Variants in ASTN2 observed in about 807,000 individuals in gnomAD.
ASTN2 encodes astrotactin 2.
A neutral mutation model predicts 139.8 loss-of-function variants in ASTN2; 54 were observed. That is an observed-to-expected ratio of 0.39 (90% CI 0.31 to 0.48). The LOEUF is 0.48. Among genes scored for constraint, ASTN2 ranks in the 20% least tolerant of loss-of-function variants. The pLI, the probability that ASTN2 is intolerant of heterozygous loss-of-function variation, is 0.95. For missense variants in ASTN2, 1,565 were observed against 1,725.1 expected, an observed-to-expected ratio of 0.91 and a Z score of 1.64; for synonymous variants, 756 against 719.5, an observed-to-expected ratio of 1.05 and a Z score of -0.81.
At chr9:116,959,451 G>A (rs934676876) in intron 10 of ASTN2, among the ~76,000 whole-genome samples, 2 of 152,166 alleles carry the variant, frequency 1.3e-5, no homozygotes. Flanking sequence ...GCAACAGCAA[G>A]CGGAGCAATG....
chr9:116,736,941 T>C (rs1229118037), intron 13 of ASTN2, among the ~76,000 whole-genome samples: 1 of 152,100 alleles, frequency 6.6e-6, no homozygotes, highest in African/African-American at 2.4e-5. Flanking sequence ...TGCAAGGAAG[T>C]AGAGTGTGCA....
intron 10 of ASTN2, among the ~76,000 whole-genome samples, chr9:116,884,573 T>C (rs764216725): frequency 9.2e-5 from 14 of 151,528 alleles, no homozygotes; most frequent in Non-Finnish European, 1.9e-4. Context: ...ATCTCTTGAT[T>C]CCTCTGGGGA....
intron 19 of ASTN2, among the ~76,000 whole-genome samples, chr9:116,507,158 G>A (rs1390539033): frequency 1.3e-5 from 2 of 152,102 alleles, no homozygotes; most frequent in East Asian, 3.9e-4. Flanking sequence ...AAATGGAGAC[G>A]CAACATCAGT....
At chr9:116,582,445 G>C (rs564841868) in intron 19 of ASTN2, 1 of 152,330 alleles carries the variant, frequency 6.6e-6, no homozygotes, top group African/African-American at 2.4e-5. Context: ...CCATAGTTAA[G>C]AGTCAAACTA....
intron 13 of ASTN2, among the ~76,000 whole-genome samples, chr9:116,765,884 C>A (rs1043088511): frequency 9.9e-5 from 15 of 152,154 alleles, no homozygotes; most frequent in African/African-American, 3.6e-4. Context: ...GTTTTTTAAC[C>A]TGTTAATTTT....
chr9:117,013,575 T>C (rs1166590452), intron 6 of ASTN2, among the ~76,000 whole-genome samples: 1 of 151,944 alleles, frequency 6.6e-6, no homozygotes, highest in Non-Finnish European at 1.5e-5. Context: ...TTTCGTTATC[T>C]AGCATCTGAA....
intron 5 of ASTN2, among the ~76,000 whole-genome samples, chr9:117,086,932 C>G (rs10983512): frequency 2.0e-5 from 3 of 152,176 alleles, no homozygotes; most frequent in Non-Finnish European, 4.4e-5. Flanking sequence ...CCCTCTCTCC[C>G]ATGTTACTCT....
At chr9:116,887,413 C>G (rs1833641114) in intron 10 of ASTN2, among the ~76,000 whole-genome samples, 1 of 151,262 alleles carries the variant, frequency 6.6e-6, no homozygotes, top group African/African-American at 2.4e-5. Context: ...GGCTTTTGGA[C>G]AGAGGGAGAA....
At chr9:116,743,316 C>G (rs764342775) in intron 13 of ASTN2, among the ~76,000 whole-genome samples, 3 of 152,072 alleles carry the variant, frequency 2.0e-5, no homozygotes, top group Admixed American at 6.5e-5. Context: ...TTTGGGAGGC[C>G]GAGGCAGGCA....
chr9:117,207,541 C>A (rs1338144582), intron 3 of ASTN2, among the ~76,000 whole-genome samples: 2 of 152,128 alleles, frequency 1.3e-5, no homozygotes, highest in African/African-American at 2.4e-5. Flanking sequence ...CCTAGACCAA[C>A]TGAGCAAACT....
intron 2 of ASTN2, among the ~76,000 whole-genome samples, chr9:117,288,062 C>T (rs1013158339): frequency 2.0e-5 from 3 of 152,170 alleles, no homozygotes; most frequent in Admixed American, 6.5e-5. Context: ...TGAATTCCAT[C>T]GCTCTGCTTT....
chr9:116,967,854 A>G (rs919366513), intron 10 of ASTN2, among the ~76,000 whole-genome samples: 21 of 152,034 alleles, frequency 1.4e-4, no homozygotes, highest in Admixed American at 7.9e-4. Flanking sequence ...TCTGCCATCA[A>G]TGCTCCTGCC....
rs893453032 is a variant in ASTN2 at position 117,083,229 on chromosome 9, T to C, written c.1276+12815A>G. 2.0e-5 allele frequency among the ~76,000 whole-genome samples: 3 copies of C among 152,284 alleles called. No homozygotes were observed. The East Asian group carries it at 5.8e-4, about 29-fold the overall frequency. ...AGTTGATTATGCAAATAAAAAAAAATGAATGAACTTGGCATTCAAAGCGTT... is the reference window on the plus strand; with the variant it reads ...AGTTGATTATGCAAATAAAAAAAAACGAATGAACTTGGCATTCAAAGCGTT... On this transcript the variant is annotated intron_variant, in intron 5 of 22. Coordinates refer to ENST00000313400, the MANE Select transcript of ASTN2 (RefSeq NM_001365068.1).
chr9:116,434,686 T>A (rs555970461), intron 22 of ASTN2, among the ~76,000 whole-genome samples: 2 of 152,308 alleles, frequency 1.3e-5, no homozygotes, highest in Admixed American at 1.3e-4. Flanking sequence ...TGGTCAAGGA[T>A]GTTCTGACCC....
intron 3 of ASTN2, among the ~76,000 whole-genome samples, chr9:117,213,019 T>C (rs186025884): frequency 1.3e-3 from 203 of 152,260 alleles, no homozygotes; most frequent in African/African-American, 4.8e-3. Context: ...ATAGTCAAGA[T>C]ATGGAATCAA....
intron 20 of ASTN2, among the ~76,000 whole-genome samples, chr9:116,449,990 C>G (rs1848126433): frequency 6.6e-6 from 1 of 152,186 alleles, no homozygotes; most frequent in Non-Finnish European, 1.5e-5. Context: ...CTACTATGTA[C>G]TGTCTGAATT....
chr9:117,368,659 T>A (rs186341025), intron 1 of ASTN2, among the ~76,000 whole-genome samples: 1 of 152,184 alleles, frequency 6.6e-6, no homozygotes, highest in Non-Finnish European at 1.5e-5. Flanking sequence ...TTCTATACTA[T>A]TCGTCAGAAC....
chr9:116,449,223 T>G (rs992865090), intron 20 of ASTN2, among the ~76,000 whole-genome samples: 2 of 152,062 alleles, frequency 1.3e-5, no homozygotes, highest in Non-Finnish European at 2.9e-5. Flanking sequence ...CTGGGCAACA[T>G]GGTGAAACCC....
chr9:117,314,034 A>G (rs17404388), intron 1 of ASTN2, among the ~76,000 whole-genome samples: 13,301 of 152,254 alleles, frequency 0.087, 773 homozygotes, highest in Non-Finnish European at 0.12. Flanking sequence ...CCTAACTAAC[A>G]GGCAGAAGCT....
Sources: allele counts gnomAD v4.1 joint callset (sites outside exome capture counted in the v4.1 genomes callset), GRCh38; gene constraint gnomAD v4.1.1; transcripts MANE v1.5; gene names NCBI Gene and HGNC (gene_info 2026-07-23, HGNC 2026-07-21).